The following SEMA5A variants were observed in gnomAD, a reference collection of about 807,000 sequenced individuals.
SEMA5A encodes semaphorin 5A.
A neutral mutation model predicts 135.5 loss-of-function variants in SEMA5A; 55 were observed. The ratio of observed to expected loss-of-function variants is 0.41; its 90% CI spans 0.33 to 0.51. The LOEUF (loss-of-function observed/expected upper bound fraction) is 0.51, where lower values mean the gene tolerates loss of function less well. SEMA5A is among the 20% of genes least tolerant of loss of function. The probability of loss-of-function intolerance (pLI) is 0.37; values close to 1 mark genes in which losing one functional copy is unlikely to be tolerated. For missense variants in SEMA5A, 1,290 were observed against 1,419.9 expected (o/e 0.91, Z 1.47); for synonymous variants, 580 against 546.5 (o/e 1.06, Z -0.85).
At chr5:9,497,663 T>C (rs1014048786) in intron 1 of SEMA5A, among the ~76,000 whole-genome samples, 1 of 152,206 alleles carries the variant, frequency 6.6e-6, no homozygotes, top group Non-Finnish European at 1.5e-5. Context: ...GGAAGTATTA[T>C]CATTGTCCTC....
At chr5:9,464,992 A>G (rs1759201940) in intron 1 of SEMA5A, among the ~76,000 whole-genome samples, 1 of 152,202 alleles carries the variant, frequency 6.6e-6, no homozygotes. Context: ...GCTTCCTTGA[A>G]ATGCTTCTTT....
intron 2 of SEMA5A, among the ~76,000 whole-genome samples, chr5:9,435,087 GC>G: frequency 6.6e-6 from 1 of 152,230 alleles, no homozygotes; most frequent in South Asian, 2.1e-4. Flanking sequence ...AAAGGGTATT[GC>G]CATGTTATTT....
intron 5 of SEMA5A, among the ~76,000 whole-genome samples, chr5:9,271,585 G>T (rs1307615693): frequency 1.3e-5 from 2 of 152,162 alleles, no homozygotes; most frequent in Admixed American, 1.3e-4. Context: ...CAAAGAAGGG[G>T]ACTGCTGGCA....
At chr5:9,174,491 C>T (rs1402842352) in intron 11 of SEMA5A, among the ~76,000 whole-genome samples, 3 of 152,170 alleles carry the variant, frequency 2.0e-5, no homozygotes, top group Non-Finnish European at 4.4e-5. Context: ...GAGGAAAGTT[C>T]GTCTGTAACA....
At chr5:9,530,063 C>T (rs976148487) in intron 1 of SEMA5A, among the ~76,000 whole-genome samples, 1 of 152,218 alleles carries the variant, frequency 6.6e-6, no homozygotes, top group African/African-American at 2.4e-5. Flanking sequence ...GGCTGGGAAG[C>T]CCCAGGGAGG....
chr5:9,318,454 T>C (rs916371396), intron 4 of SEMA5A, 37 bp from the exon 5 acceptor site: 3 of 1,547,372 alleles, frequency 1.9e-6, no homozygotes, highest in African/African-American at 1.4e-5. Context: ...TTATTTTTAA[T>C]AGATCACAGA....
chr5:9,491,927 C>T (rs1056343456), intron 1 of SEMA5A, among the ~76,000 whole-genome samples: 1 of 152,206 alleles, frequency 6.6e-6, no homozygotes, highest in Non-Finnish European at 1.5e-5. Flanking sequence ...CAGACAAACA[C>T]AACTTGCCAC....
intron 5 of SEMA5A, among the ~76,000 whole-genome samples, chr5:9,314,172 AC>A (rs1381597484): frequency 1.3e-5 from 2 of 152,062 alleles, no homozygotes; most frequent in African/African-American, 2.4e-5. Context: ...ATACAAATCA[AC>A]CCCCATGATT....
At chr5:9,453,806 C>T (rs777333574) in intron 1 of SEMA5A, among the ~76,000 whole-genome samples, 20 of 152,062 alleles carry the variant, frequency 1.3e-4, no homozygotes, top group Non-Finnish European at 2.5e-4. Flanking sequence ...GAAGAAAAGA[C>T]GTAAAATATC....
chr5:9,060,135 C>A (rs1009224994), intron 18 of SEMA5A, among the ~76,000 whole-genome samples: 1 of 152,212 alleles, frequency 6.6e-6, no homozygotes, highest in African/African-American at 2.4e-5. Flanking sequence ...GACTCACCCA[C>A]TGCCTAGTGC....
intron 1 of SEMA5A, among the ~76,000 whole-genome samples, chr5:9,465,056 G>A (rs1019881280): frequency 4.2e-5 from 6 of 143,324 alleles, no homozygotes; most frequent in Non-Finnish European, 9.2e-5. Flanking sequence ...TGTAACATGA[G>A]GTCATTTCAT....
In SEMA5A at chr5:9,040,542, A is replaced by G. The variant is rs944045131; in HGVS notation, c.*2355T>C. Reference sequence around the variant, plus strand: ...TTATCTAAACACTTGCTATTCTGTCAAATAAGAGAGAGAGAGAAAGGAAGA... The same window carrying G: ...TTATCTAAACACTTGCTATTCTGTCGAATAAGAGAGAGAGAGAAAGGAAGA... On this transcript the variant is annotated 3_prime_UTR_variant, in exon 23 of 23. Transcript: ENST00000382496. 1.3e-5 allele frequency: 2 copies of G among 152,252 alleles called. No homozygotes were observed. The highest frequency in any genetic ancestry group is 4.8e-5 in the African/African-American group (2 of 41,472). The allele number at this position is 152,252 out of a possible 1,614,324, so 9.4% of individuals were successfully genotyped here.
intron 11 of SEMA5A, among the ~76,000 whole-genome samples, chr5:9,182,649 T>G (rs2150331021): frequency 6.6e-6 from 1 of 151,864 alleles, no homozygotes. Flanking sequence ...TAGACCACCT[T>G]GATGACTTCA....
chr5:9,488,352 T>C (rs531224981), intron 1 of SEMA5A, among the ~76,000 whole-genome samples: 2 of 152,224 alleles, frequency 1.3e-5, no homozygotes, highest in Non-Finnish European at 2.9e-5. Context: ...CCACTGGACA[T>C]TTTACATCTT....
intron 12 of SEMA5A, among the ~76,000 whole-genome samples, chr5:9,138,003 T>A (rs557625397): frequency 6.6e-6 from 1 of 152,116 alleles, no homozygotes; most frequent in Non-Finnish European, 1.5e-5. Flanking sequence ...AGGGAAGATA[T>A]GTTTACAGTT....
chr5:9,214,372 A>G (rs3026330), intron 8 of SEMA5A, among the ~76,000 whole-genome samples: 4,470 of 152,282 alleles, frequency 0.029, 237 homozygotes, highest in African/African-American at 0.1. Context: ...CCCACCATCT[A>G]GAGCCCCTGC....
intron 9 of SEMA5A, among the ~76,000 whole-genome samples, chr5:9,200,138 C>G (rs1745625447): frequency 6.6e-6 from 1 of 152,206 alleles, no homozygotes; most frequent in Non-Finnish European, 1.5e-5. Context: ...AATGCATTCT[C>G]AAGACCCAAC....
intron 3 of SEMA5A, among the ~76,000 whole-genome samples, chr5:9,346,092 C>T (rs1280021609): frequency 6.6e-6 from 1 of 152,114 alleles, no homozygotes; most frequent in African/African-American, 2.4e-5. Flanking sequence ...GTTCCCACCC[C>T]ACCCCATCCT....
chr5:9,377,534 G>A (rs1258150268), intron 3 of SEMA5A, among the ~76,000 whole-genome samples: 5 of 150,412 alleles, frequency 3.3e-5, no homozygotes, highest in East Asian at 1.9e-4. Context: ...ATATATACGC[G>A]AGGACAAAAA....
Sources: allele counts gnomAD v4.1 joint callset (sites outside exome capture counted in the v4.1 genomes callset), GRCh38; gene constraint gnomAD v4.1.1; transcripts MANE v1.5; gene names NCBI Gene and HGNC (gene_info 2026-07-23, HGNC 2026-07-21).